The following UNC13B variants were observed in gnomAD, a reference collection of about 807,000 sequenced individuals.
UNC13B encodes the protein unc-13 homolog B.
UNC13B carries 144 observed loss-of-function variants against 211.0 expected under a neutral mutation model. That is an observed-to-expected ratio of 0.68 (90% confidence interval 0.60 to 0.78). The LOEUF is 0.78. UNC13B is among the 30% of genes least tolerant of loss of function. The pLI, the probability that UNC13B is intolerant of heterozygous loss-of-function variation, is 0.00. For missense variants in UNC13B, 1,777 were observed against 2,002.0 expected (o/e 0.89, Z 2.14); for synonymous variants, 709 against 725.8 (o/e 0.98, Z 0.37).
At chr9:35,336,444 G>T (rs1418739204) in intron 11 of UNC13B, among the ~76,000 whole-genome samples, 2 of 152,036 alleles carry the variant, frequency 1.3e-5, no homozygotes, top group South Asian at 4.2e-4. Flanking sequence ...TTTTCATTAC[G>T]CCTGTTAACA....
intron 11 of UNC13B, among the ~76,000 whole-genome samples, chr9:35,355,926 T>C (rs778633555): frequency 6.6e-6 from 1 of 152,262 alleles, no homozygotes; most frequent in Non-Finnish European, 1.5e-5. Flanking sequence ...AGGACACTTG[T>C]GTCTAACTCT....
rs925905911 is a variant in UNC13B, at chr9:35,384,143, G to A, written c.10807-103G>A. The stretch of plus-strand genomic sequence containing the variant: ...ATGTGTCTCCAACCCAATGCCTCCC[G>A]ACTCTTTCTACTCATCCAGGGGTGG... On this transcript the variant is annotated intron_variant, in intron 21 of 39. Transcript: ENST00000635942. 4.9e-5 allele frequency: 75 copies of A among 1,541,226 alleles called. 1 individual carries two copies. Among genetic ancestry groups the A allele is most frequent in the East Asian group, 3.9e-4 (17 of 43,968 alleles).
At chr9:35,195,492 TG>T (rs34218882) in intron 1 of UNC13B, among the ~76,000 whole-genome samples, 148,317 of 152,232 alleles carry the variant, frequency 0.97, 72,364 homozygotes, top group East Asian at 1. Flanking sequence ...TCACAAGCCA[TG>T]GGTCCTTAAC....
At chr9:35,280,837 C>T (rs978903547) in intron 7 of UNC13B, among the ~76,000 whole-genome samples, 2 of 152,094 alleles carry the variant, frequency 1.3e-5, no homozygotes, top group African/African-American at 4.8e-5. Context: ...TGTTCAGTTA[C>T]AATTATACAC....
At position 35,305,224 on chromosome 9, in the gene UNC13B, A is replaced by G; in HGVS notation, c.5820A>G (p.Gly1940=). The G allele has an allele frequency of 1.3e-5, 5 of 398,978 alleles. No homozygotes were observed. The allele number at this position is 398,978 out of a possible 1,614,324, so 24.7% of individuals were successfully genotyped here. A position where few individuals can be genotyped will look rare whatever the true frequency, so the allele number is the denominator to read the frequency against. Reference sequence around the variant, plus strand: ...CAGCAAATGAAAAACAGTCATCTGGATTTTTGAATCTTTTTAAGACTCAGG... The same window carrying G: ...CAGCAAATGAAAAACAGTCATCTGGGTTTTTGAATCTTTTTAAGACTCAGG... ...SMTANEKQSS[G]FLNLFKTQVN... The change falls in exon 9 of 40, where the codon GGA becomes GGG. Residue 1940 remains glycine, a synonymous_variant. Transcript: ENST00000635942.
intron 6 of UNC13B, among the ~76,000 whole-genome samples, chr9:35,249,326 CT>C (rs1472307775): frequency 6.6e-6 from 1 of 152,124 alleles, no homozygotes; most frequent in Non-Finnish European, 1.5e-5. Context: ...CAGTCTGTGT[CT>C]TTTAATTGGA....
chr9:35,243,420 T>G, intron 6 of UNC13B, 56 bp downstream of exon 6: 1 of 1,586,800 alleles, frequency 6.3e-7, no homozygotes, highest in Non-Finnish European at 8.6e-7. Flanking sequence ...CCAATGCTCT[T>G]TATAGGTTGC....
intron 7 of UNC13B, among the ~76,000 whole-genome samples, chr9:35,268,451 A>G (rs538523393): frequency 1.2e-4 from 18 of 152,046 alleles, no homozygotes; most frequent in Non-Finnish European, 2.2e-4. Context: ...AACCCCATCT[A>G]TACTAAAAAT....
intron 1 of UNC13B, among the ~76,000 whole-genome samples, chr9:35,201,913 T>C (rs1823322002): frequency 6.6e-6 from 1 of 152,330 alleles, no homozygotes; most frequent in African/African-American, 2.4e-5. Flanking sequence ...CTTCTCTAGT[T>C]CTTTTCATTG....
chr9:35,233,114 A>G (rs944418516), intron 3 of UNC13B, among the ~76,000 whole-genome samples: 5 of 152,182 alleles, frequency 3.3e-5, no homozygotes, highest in Non-Finnish European at 7.4e-5. Context: ...CCTTCTTTAC[A>G]CATGCAGTGT....
chr9:35,248,243 C>A (rs1453674423), intron 6 of UNC13B, among the ~76,000 whole-genome samples: 1 of 152,142 alleles, frequency 6.6e-6, no homozygotes, highest in East Asian at 1.9e-4. Context: ...ATTCTTCTCT[C>A]TTTTCTTCTT....
At chr9:35,287,882 T>C (rs1210524182) in intron 7 of UNC13B, among the ~76,000 whole-genome samples, 1 of 152,062 alleles carries the variant, frequency 6.6e-6, no homozygotes, top group Non-Finnish European at 1.5e-5. Context: ...AGATGTTCCA[T>C]AGATATCTCA....
intron 7 of UNC13B, among the ~76,000 whole-genome samples, chr9:35,275,010 T>G (rs1828090871): frequency 6.6e-6 from 1 of 152,254 alleles, no homozygotes; most frequent in Non-Finnish European, 1.5e-5. Flanking sequence ...AGTTGTAGAA[T>G]GTATTGGTTT....
At chr9:35,368,210 C>A (rs891974610) in intron 12 of UNC13B, among the ~76,000 whole-genome samples, 3 of 152,196 alleles carry the variant, frequency 2.0e-5, no homozygotes, top group African/African-American at 7.2e-5. Flanking sequence ...CTCCCTCCTC[C>A]TACCCTTCAC....
At chr9:35,384,550 A>C in intron 22 of UNC13B, 1 of 985,464 alleles carries the variant, frequency 1.0e-6, no homozygotes, top group Non-Finnish European at 1.2e-6. Context: ...TTCCAACCTC[A>C]TTCTTAACAC....
chr9:35,240,928 G>A (rs985389964), intron 5 of UNC13B, among the ~76,000 whole-genome samples: 6 of 151,716 alleles, frequency 4.0e-5, no homozygotes, highest in Non-Finnish European at 7.4e-5. Flanking sequence ...GGTGTCGTGC[G>A]CCTGTAATCT....
rs1830127901 is a variant in UNC13B, at chr9:35,310,457, A to G, written c.9009-10A>G. On this transcript the variant is annotated splice_polypyrimidine_tract_variant and intron_variant, in intron 9 of 39. Coordinates refer to ENST00000635942, the MANE Select transcript of UNC13B (RefSeq NM_001371189.2). ...TTATTTACTTATCTGTCTTTCTGTC[A>G]TTCTCACAGCCCCACCAGCAGCAGT... The G allele has an allele frequency of 6.2e-7, 1 of 1,610,776 alleles. No individual in the cohort carries two copies. The highest frequency in any genetic ancestry group is 1.1e-5 in the South Asian group (1 of 91,014).
At chr9:35,259,804 G>GGGC (rs1827155278) in intron 7 of UNC13B, among the ~76,000 whole-genome samples, 2 of 144,490 alleles carry the variant, frequency 1.4e-5, no homozygotes, top group African/African-American at 2.6e-5. Flanking sequence ...TGCGGGGGGG[G>GGGC]GGGATTTTGA....
intron 1 of UNC13B, among the ~76,000 whole-genome samples, chr9:35,216,422 C>G (rs1482653141): frequency 6.6e-6 from 1 of 152,174 alleles, no homozygotes; most frequent in Non-Finnish European, 1.5e-5. Flanking sequence ...GTTCCCTGGA[C>G]TTGCTTGATT....
Sources: allele counts gnomAD v4.1 joint callset (sites outside exome capture counted in the v4.1 genomes callset), GRCh38; gene constraint gnomAD v4.1.1; transcripts MANE v1.5; gene names NCBI Gene and HGNC (gene_info 2026-07-23, HGNC 2026-07-21).